Variants in AARS2 observed in about 807,000 individuals in gnomAD.
AARS2 encodes alanine--tRNA ligase, mitochondrial.
In AARS2, 78 loss-of-function variants were observed where a neutral mutation model predicts 119.7. The ratio of observed to expected loss-of-function variants is 0.65; its 90% CI spans 0.54 to 0.79. The LOEUF is 0.79. Among genes scored for constraint, AARS2 ranks in the 30% least tolerant of loss-of-function variants. The probability of loss-of-function intolerance (pLI) is 0.00; values close to 1 mark genes in which losing one functional copy is unlikely to be tolerated. For synonymous variants in AARS2, 502 were observed against 526.3 expected, an observed-to-expected ratio of 0.95 and a Z score of 0.63; for missense variants, 1,157 against 1,291.3, an observed-to-expected ratio of 0.90 and a Z score of 1.59.
intron 5 of AARS2, 57 bp downstream of exon 5, chr6:44,310,242 G>A: frequency 6.5e-7 from 1 of 1,542,370 alleles, no homozygotes; most frequent in South Asian, 1.2e-5. Context: ...GAATGCAATG[G>A]GGCTGAGGGC....
chr6:44,311,216 T>C, intron 3 of AARS2, 55 bp from the exon 4 acceptor site: 6 of 1,610,838 alleles, frequency 3.7e-6, no homozygotes, highest in Non-Finnish European at 5.1e-6. Flanking sequence ...AAGCTGGGAC[T>C]CTCTCTGCCA....
chr6:44,300,806 G>C, intron 21 of AARS2, 95 bp from the exon 22 acceptor site: 1 of 1,477,910 alleles, frequency 6.8e-7, no homozygotes, highest in Non-Finnish European at 9.2e-7. Flanking sequence ...AAGGTCATCA[G>C]TGCCCCCTTC....
intron 11 of AARS2, 112 bp downstream of exon 11, chr6:44,304,942 C>CAT: frequency 6.2e-7 from 1 of 1,605,210 alleles, no homozygotes; most frequent in Admixed American, 1.7e-5. Flanking sequence ...CCACAGAGAC[C>CAT]CCTGGTGGCC....
At chr6:44,310,497 A>T in intron 4 of AARS2, 54 bp from the exon 5 acceptor site, 3 of 1,605,716 alleles carry the variant, frequency 1.9e-6, no homozygotes. Flanking sequence ...CAGGTGTGAG[A>T]CAGATGCCCA....
In AARS2 at chr6:44,312,604, G is replaced by A. The variant is rs570264001; in HGVS notation, c.244-341C>T. 3.3e-5 allele frequency among the ~76,000 whole-genome samples: 5 copies of A among 152,282 alleles called. No individual in the cohort carries two copies. In the South Asian group the frequency reaches 1.0e-3, roughly 32 times the overall value. On this transcript the variant is annotated intron_variant, in intron 1 of 21. Coordinates refer to ENST00000244571, the MANE Select transcript of AARS2 (RefSeq NM_020745.4). ...TCTTCAACCACACCCAATAACTTCA[G>A]GGAACAAAACTGAGACTCATTTAGT...
Position 44,300,433 on chromosome 6 carries a change from G to C in AARS2, c.*114C>G, listed in dbSNP as rs1396882203. 6.7e-7 allele frequency: 1 copy of C among 1,483,400 alleles called. No individual in the cohort carries two copies. The highest frequency in any genetic ancestry group is 9.4e-7 in the Non-Finnish European group (1 of 1,069,026). The allele number at this position is 1,483,400 out of a possible 1,614,324, so 91.9% of individuals were successfully genotyped here. A position where few individuals can be genotyped will look rare whatever the true frequency, so the allele number is the denominator to read the frequency against. ...GGCCCAGGTGATCTTCTTTGGCTCA[G>C]CTGCTTGGCCTCCAGCCTCTAGTCC... On this transcript the variant is annotated 3_prime_UTR_variant, in exon 22 of 22. Transcript: ENST00000244571.
rs112248671 is a variant in AARS2, at chr6:44,311,394, A to G, written c.577T>C (p.Leu193=). The change falls in exon 3 of 22, where the codon TTA becomes CTA. Residue 193 remains leucine (L), a synonymous_variant. Coordinates refer to ENST00000244571, the MANE Select transcript of AARS2 (RefSeq NM_020745.4). ...ATAAGAAGGGGGCTGACTTACCCTAAGCTCAGCCAGATGTCCCTGGTCTCC... is the reference window on the plus strand; with the variant it reads ...ATAAGAAGGGGGCTGACTTACCCTAGGCTCAGCCAGATGTCCCTGGTCTCC... ...DLETRDIWLS[L]GVPASRVLSF... is the part of the protein sequence containing the mutation. The G allele has an allele frequency of 7.4e-6, 12 of 1,614,148 alleles. No homozygotes were observed. In the African/African-American group the frequency reaches 8.0e-5, roughly 11 times the overall value.
rs906038016 is a variant in AARS2 at position 44,307,182 on chromosome 6, G to A, written c.1040+67C>T. The A allele has an allele frequency of 5.7e-5, 91 of 1,609,830 alleles. No homozygotes were observed. The highest frequency in any genetic ancestry group is 7.3e-5 in the Non-Finnish European group (86 of 1,177,940). On this transcript the variant is annotated intron_variant, in intron 6 of 21. Coordinates refer to ENST00000244571, the MANE Select transcript of AARS2 (RefSeq NM_020745.4). The surrounding 1 kb of genome is among the most constrained non-coding windows in gnomAD (Gnocchi z 4.4). ...TGGCTCAACCAGACCCACCTCTCCT[G>A]TTCCCTCCCTCCTCCACCTGAGACC...
rs1174752260 is a variant in AARS2 at position 44,305,187 on chromosome 6, C to A, written c.1446G>T (p.Arg482=). 7.4e-6 allele frequency: 12 copies of A among 1,612,250 alleles called. No individual in the cohort carries two copies. The South Asian group carries it at 1.3e-4, about 18-fold the overall frequency. The change falls in exon 11 of 22, where the codon CGG becomes CGT. Residue 482 remains arginine, a synonymous_variant. Coordinates refer to ENST00000244571, the MANE Select transcript of AARS2 (RefSeq NM_020745.4). The surrounding 1 kb of genome is among the most constrained non-coding windows in gnomAD (Gnocchi z 4.6). The part of the protein sequence containing the change: ...LAQEEAQHRA[R]QAEPVQKQGL... Reference sequence around the variant, plus strand: ...CCTGCTTCTGAACTGGCTCAGCCTGCCGTGCCCGGTGCTGCAGGGTGGGCA... The same window carrying A: ...CCTGCTTCTGAACTGGCTCAGCCTGACGTGCCCGGTGCTGCAGGGTGGGCA...
At position 44,304,315 on chromosome 6, in the gene AARS2, G is replaced by T. The variant is rs756662327; in HGVS notation, c.1873C>A (p.Arg625Ser). 1.9e-6 allele frequency: 3 copies of T among 1,614,186 alleles called. No individual in the cohort carries two copies. The highest frequency in any genetic ancestry group is 4.5e-5 in the East Asian group (2 of 44,882). The change falls in exon 14 of 22, where the codon CGT (arginine) becomes AGT (serine). Residue 625 changes from arginine (R) to serine (S), a missense_variant. Arg to Ser is a moderately radical substitution (Grantham distance 110). Coordinates refer to ENST00000244571, the MANE Select transcript of AARS2 (RefSeq NM_020745.4). ...GTATGCTTCGCCATGCAGCCTAGAC[G>T]CCAGGCCTGAAATACTTTTGTCACC... ...QVQLHVDEAWRLGCMAKHTAT... is the reference protein window; with the variant it reads ...QVQLHVDEAWSLGCMAKHTAT...
Position 44,312,100 on chromosome 6 carries a change from T to C in AARS2, c.407A>G (p.Asn136Ser), listed in dbSNP as rs781255698. 1.4e-4 allele frequency: 225 copies of C among 1,614,072 alleles called. No homozygotes were observed. The highest frequency in any genetic ancestry group is 1.8e-4 in the Non-Finnish European group (210 of 1,180,042). ...AAAATATTCACCCCCAAAGGCCCAA[T>C]TGCCAAGCATTTCAAAGAAGGTATG... Reference protein sequence around the residue: ...SHHTFFEMLGNWAFGGEYFKE... With the variant: ...SHHTFFEMLGSWAFGGEYFKE... The change falls in exon 2 of 22, where the codon AAT becomes AGT. Residue 136 changes from asparagine (N) to serine (S), a missense_variant. Coordinates refer to ENST00000244571, the MANE Select transcript of AARS2 (RefSeq NM_020745.4).
In AARS2 at chr6:44,298,903, C is replaced by T; in HGVS notation, c.*1644G>A. ...ATTCTGGTAGGGAAGGAGGGCTTTC[C>T]TCCATCTCTGCTTCCTCCTGCTTTG... On this transcript the variant is annotated 3_prime_UTR_variant, in exon 22 of 22. Transcript: ENST00000244571. 3.4e-5 allele frequency among the ~76,000 whole-genome samples: 1 copy of T among 29,486 alleles called. No homozygotes were observed. The highest frequency in any genetic ancestry group is 0.042 in the East Asian group (1 of 24). 19.3% of individuals were successfully genotyped at this position (29,486 alleles called of 152,430 possible).
In AARS2 at chr6:44,307,116, T is replaced by C; in HGVS notation, c.1041-85A>G. 6.3e-7 allele frequency: 1 copy of C among 1,589,126 alleles called. No homozygotes were observed. The highest frequency in any genetic ancestry group is 8.6e-7 in the Non-Finnish European group (1 of 1,162,138). ...AGTGGGAAGGACGAGGTCCAGTGTG[T>C]GCTCCCACCTCAAAGCTCTCCCTCT... On this transcript the variant is annotated intron_variant, in intron 6 of 21. Coordinates refer to ENST00000244571, the MANE Select transcript of AARS2 (RefSeq NM_020745.4). This position sits in a 1 kb window ranked among gnomAD's most constrained non-coding sequence, Gnocchi z 4.4.
rs1785973042 is a variant in AARS2 at position 44,307,561 on chromosome 6, C to T, written c.895-167G>A. On this transcript the variant is annotated intron_variant, in intron 5 of 21. Coordinates refer to ENST00000244571, the MANE Select transcript of AARS2 (RefSeq NM_020745.4). The surrounding 1 kb of genome is among the most constrained non-coding windows in gnomAD (Gnocchi z 4.4). The stretch of plus-strand genomic sequence containing the variant: ...GCCTCACAGATGAGCACAAGCCAGG[C>T]CCTGCCCTCACGGGGCTCATATTTG... 2 of 831,796 alleles carry T rather than the reference C, an allele frequency of 2.4e-6. No homozygotes were observed. The highest frequency in any genetic ancestry group is 3.7e-6 in the Non-Finnish European group (2 of 533,886). 51.5% of individuals were successfully genotyped at this position (831,796 alleles called of 1,614,324 possible).
Position 44,304,226 on chromosome 6 carries a change from G to A in AARS2, c.1962C>T (p.Gly654=). The change falls in exon 14 of 22, where the codon GGC becomes GGT. Residue 654 remains glycine, a synonymous_variant. Coordinates refer to ENST00000244571, the MANE Select transcript of AARS2 (RefSeq NM_020745.4). ...QTLGPGTEQQ[G]SHLNPEQLRL... is the part of the protein sequence containing the mutation. ...GCAGCTGCTCAGGATTGAGATGGGA[G>A]CCCTGCTGCTCTGTGCCAGGGCCCA... The A allele has an allele frequency of 1.2e-6, 2 of 1,614,126 alleles. No individual in the cohort carries two copies. The highest frequency in any genetic ancestry group is 1.7e-6 in the Non-Finnish European group (2 of 1,180,038).
rs139420111 is a variant in AARS2 at position 44,308,254 on chromosome 6, C to T, written c.895-860G>A. ...GGAGTAGCCTTTTAAAAGTGTACAT[C>T]AGGCTGGGCGCGGTGGCTCACACCT... On this transcript the variant is annotated intron_variant, in intron 5 of 21. Transcript: ENST00000244571. 5.8e-3 allele frequency among the ~76,000 whole-genome samples: 884 copies of T among 152,266 alleles called. 12 individuals carry two copies. Among genetic ancestry groups the T allele is most frequent in the African/African-American group, 0.019 (810 of 41,556 alleles).
At position 44,307,803 on chromosome 6, in the gene AARS2, G is replaced by A. The variant is rs888681904; in HGVS notation, c.895-409C>T. Among the ~76,000 whole-genome samples the A allele has an allele frequency of 2.0e-5, 3 of 152,000 alleles. No individual in the cohort carries two copies. The highest frequency in any genetic ancestry group is 7.2e-5 in the African/African-American group (3 of 41,424). ...CAGATCTGAGATCTCAGCCGGGCCT[G>A]TTGGACTCCAGGTGCTCTCCACTAC... On this transcript the variant is annotated intron_variant, in intron 5 of 21. Transcript: ENST00000244571. The surrounding 1 kb of genome is among the most constrained non-coding windows in gnomAD (Gnocchi z 4.4).
chr6:44,307,085 A>G lies in AARS2; in HGVS notation c.1041-54T>C. On this transcript the variant is annotated intron_variant, in intron 6 of 21. Transcript: ENST00000244571. The surrounding 1 kb of genome is among the most constrained non-coding windows in gnomAD (Gnocchi z 4.4). ...TCCCCAGCGGCTCATGGTCAGCAAT[A>G]TGGGGAGTGGGAAGGACGAGGTCCA... is the stretch of plus-strand genomic sequence containing the variant. The G allele has an allele frequency of 1.2e-6, 2 of 1,604,266 alleles. No homozygotes were observed. The highest frequency in any genetic ancestry group is 1.7e-6 in the Non-Finnish European group (2 of 1,171,982).
intron 14 of AARS2, 78 bp from the exon 15 acceptor site, chr6:44,303,501 C>A: frequency 6.2e-7 from 1 of 1,603,890 alleles, no homozygotes. Flanking sequence ...GAAACACGGT[C>A]AATGTTCACT....
Sources: gnomAD v4.1 joint callset for allele counts (sites outside exome capture counted in the v4.1 genomes callset) on GRCh38, gnomAD v4.1.1 for gene constraint, Gnocchi (gnomAD v3.1) non-coding constraint, MANE v1.5 for transcripts, NCBI Gene and HGNC (gene_info 2026-07-23, HGNC 2026-07-21) for gene names.